BLTP1: variants seen among roughly 807,000 people sequenced by gnomAD.
The protein encoded by BLTP1 is bridge-like lipid transfer protein family member 1, also known as fragile site-associated protein.
At chr4:122,201,871 C>T in the BLTP1 span, 61 of 984,460 alleles carry the variant, frequency 6.2e-5, no homozygotes, top group South Asian at 9.4e-5. Flanking sequence ...TTTATACAAG[C>T]GTCTCATCGA....
chr4:122,288,671 A>G, the BLTP1 span: 1 of 239,306 alleles, frequency 4.2e-6, no homozygotes. Context: ...AAATAAATAA[A>G]TAAATAAATA....
chr4:122,243,979 G>T, the BLTP1 span: 1 of 1,610,642 alleles, frequency 6.2e-7, no homozygotes, highest in Non-Finnish European at 8.5e-7. Flanking sequence ...GAAGTAAAAG[G>T]AACTGTTGAT....
the BLTP1 span, chr4:122,305,381 G>A: frequency 4.2e-5 from 40 of 948,724 alleles, no homozygotes; most frequent in Non-Finnish European, 5.0e-5. Flanking sequence ...AAAAACAGCA[G>A]TTAGATTCTC....
At chr4:122,295,808 A>G in the BLTP1 span, among the ~76,000 whole-genome samples, 1 of 152,198 alleles carries the variant, frequency 6.6e-6, no homozygotes, top group Non-Finnish European at 1.5e-5. Flanking sequence ...GCAACTCATC[A>G]CAGAAACAGA....
the BLTP1 span, chr4:122,188,321 A>G: frequency 1.4e-5 from 7 of 490,068 alleles, no homozygotes; most frequent in Admixed American, 1.9e-4. Flanking sequence ...TAATTTTTTT[A>G]TCCTTTTCTC....
At chr4:122,325,658 A>G in the BLTP1 span, 1 of 1,059,716 alleles carries the variant, frequency 9.4e-7, no homozygotes, top group East Asian at 6.1e-5. Flanking sequence ...TGGAATATTG[A>G]TACTCATTTA....
At chr4:122,239,488 A>T in the BLTP1 span, 8 of 1,477,328 alleles carry the variant, frequency 5.4e-6, no homozygotes, top group Non-Finnish European at 7.3e-6. Context: ...TGTATAGAAA[A>T]TGGTAATAGC....
At chr4:122,188,704 G>A in the BLTP1 span, among the ~76,000 whole-genome samples, 1 of 151,932 alleles carries the variant, frequency 6.6e-6, no homozygotes, top group African/African-American at 2.4e-5. Flanking sequence ...GATGCTGAGT[G>A]GGAGATGGGC....
the BLTP1 span, among the ~76,000 whole-genome samples, chr4:122,356,196 A>G: frequency 6.6e-6 from 1 of 152,184 alleles, no homozygotes. Context: ...AATGAAGAAG[A>G]ATAATTGGAC....
the BLTP1 span, chr4:122,194,848 C>T: frequency 1.8e-4 from 37 of 205,710 alleles, no homozygotes; most frequent in Non-Finnish European, 2.8e-4. Flanking sequence ...TTTTCCACTG[C>T]CAGGAGAGAA....
the BLTP1 span, chr4:122,305,697 C>T: frequency 1.1e-6 from 1 of 931,438 alleles, no homozygotes; most frequent in Admixed American, 6.2e-5. Flanking sequence ...TCTTGCATGG[C>T]TATTTTGTAT....
chr4:122,245,092 A>G, the BLTP1 span: 2 of 1,611,866 alleles, frequency 1.2e-6, no homozygotes, highest in South Asian at 2.2e-5. Flanking sequence ...TTCATGCTAA[A>G]GTCCTCAGGG....
At chr4:122,347,245 C>T in the BLTP1 span, 2 of 983,642 alleles carry the variant, frequency 2.0e-6, no homozygotes, top group Non-Finnish European at 2.4e-6. Context: ...AAACTAGAGT[C>T]AGTTACATAG....
chr4:122,212,343 A>C, the BLTP1 span, among the ~76,000 whole-genome samples: 1 of 152,146 alleles, frequency 6.6e-6, no homozygotes. Context: ...TCTTGTGACC[A>C]TCGTTTGACC....
chr4:122,169,255 T>G, the BLTP1 span, among the ~76,000 whole-genome samples: 3 of 152,340 alleles, frequency 2.0e-5, no homozygotes, highest in Middle Eastern at 3.4e-3. Context: ...ATCCAATTTT[T>G]AAACTTGTTT....
chr4:122,304,713 A>G, the BLTP1 span: 5 of 1,539,116 alleles, frequency 3.2e-6, no homozygotes, highest in South Asian at 6.4e-5. Flanking sequence ...TATTTTATTT[A>G]TCATATACTG....
the BLTP1 span, among the ~76,000 whole-genome samples, chr4:122,287,901 T>G: frequency 6.6e-6 from 1 of 152,194 alleles, no homozygotes; most frequent in Non-Finnish European, 1.5e-5. Context: ...TTAGCAATAC[T>G]ATTATTAATG....
At chr4:122,298,522 A>G in the BLTP1 span, 1 of 310,642 alleles carries the variant, frequency 3.2e-6, no homozygotes, top group Non-Finnish European at 4.7e-6. Flanking sequence ...GTATCTTAGA[A>G]AATATAAAAG....
At chr4:122,200,997 T>A in the BLTP1 span, 2 of 1,580,798 alleles carry the variant, frequency 1.3e-6, no homozygotes, top group Non-Finnish European at 1.7e-6. Flanking sequence ...TTACCTAACA[T>A]TTGTTTTGCA....
Sources: allele counts gnomAD v4.1 joint callset (sites outside exome capture counted in the v4.1 genomes callset), GRCh38; gene constraint gnomAD v4.1.1; transcripts MANE v1.5; gene names NCBI Gene and HGNC (gene_info 2026-07-23, HGNC 2026-07-21).